The following PKN2 variants were observed in gnomAD, a reference collection of about 807,000 sequenced individuals.
PKN2 encodes serine/threonine-protein kinase N2.
Under a neutral mutation model 119.1 loss-of-function variants are expected in PKN2, and 38 were observed. The observed-to-expected ratio is 0.32, with a 90% CI of 0.25 to 0.42. The LOEUF (loss-of-function observed/expected upper bound fraction) is 0.42. PKN2 is among the 10% of genes least tolerant of loss of function. PKN2 has a pLI of 1.00. For synonymous variants in PKN2, 390 were observed against 384.9 expected (o/e 1.01, Z -0.15); for missense variants, 850 against 1,165.1 (o/e 0.73, Z 3.94).
intron 2 of PKN2, among the ~76,000 whole-genome samples, chr1:88,750,643 C>G (rs1190489361): frequency 2.6e-5 from 4 of 152,106 alleles, no homozygotes; most frequent in Non-Finnish European, 5.9e-5. Context: ...ACCTGGATGT[C>G]CTGTTGGCTT....
In PKN2 at chr1:88,833,429, A is replaced by C; in HGVS notation, c.2936A>C (p.Tyr979Ser). The change falls in exon 22 of 22, where the codon TAC (tyrosine) becomes TCC (serine). Residue 979 changes from tyrosine (Y) to serine (S), a missense_variant. Physicochemically the swap from Tyr to Ser is moderately radical, Grantham distance 144. This residue lies in a region of PKN2 where 52 missense variants were observed against 39.9 expected (regional missense o/e 1.30). Transcript: ENST00000370521. ...EEQEMFRDFD[Y>S]IADWC Reference sequence around the variant, plus strand: ...CAGGAAATGTTCAGAGATTTTGACTACATTGCTGATTGGTGTTAAGTTGCT... The same window carrying C: ...CAGGAAATGTTCAGAGATTTTGACTCCATTGCTGATTGGTGTTAAGTTGCT... 6.2e-7 allele frequency: 1 copy of C among 1,613,134 alleles called. No homozygotes were observed. Among genetic ancestry groups the C allele is most frequent in the Non-Finnish European group, 8.5e-7 (1 of 1,179,266 alleles).
chr1:88,703,336 G>T lies in PKN2; in HGVS notation c.48+18708G>T, dbSNP rs1398706485. 2.6e-5 allele frequency among the ~76,000 whole-genome samples: 4 copies of T among 151,988 alleles called. No homozygotes were observed. The East Asian group carries it at 7.7e-4, about 29-fold the overall frequency. On this transcript the variant is annotated intron_variant, in intron 1 of 21. Coordinates refer to ENST00000370521, the MANE Select transcript of PKN2 (RefSeq NM_006256.4). ...CAGATAGTTTTATGATGTAAAGCAC[G>T]ATCTTATTAATAGATTTTAATTACT...
intron 19 of PKN2, among the ~76,000 whole-genome samples, chr1:88,831,518 T>G (rs1672733148): frequency 6.6e-6 from 1 of 151,970 alleles, no homozygotes; most frequent in African/African-American, 2.4e-5. Context: ...ATATTTTATT[T>G]ATGTATTTTG....
chr1:88,798,872 A>G (rs543710185), intron 8 of PKN2, among the ~76,000 whole-genome samples: 2 of 152,318 alleles, frequency 1.3e-5, no homozygotes, highest in African/African-American at 2.4e-5. Flanking sequence ...AACCTTGGGG[A>G]AAAAATGTGG....
At chr1:88,824,426 T>C (rs1228752885) in intron 18 of PKN2, 40 bp downstream of exon 18, 1 of 1,149,352 alleles carries the variant, frequency 8.7e-7, no homozygotes, top group East Asian at 2.4e-5. Context: ...GATTCAGAAT[T>C]ACTGTTTCTT....
At chr1:88,760,157 A>G (rs1215484496) in intron 2 of PKN2, 65 bp from the exon 3 acceptor site, 19 of 914,138 alleles carry the variant, frequency 2.1e-5, no homozygotes, top group Non-Finnish European at 2.7e-5. Flanking sequence ...TTTGAAAAAT[A>G]TTAACTTCCA....
At chr1:88,817,573 C>T (rs777570603) in intron 16 of PKN2, among the ~76,000 whole-genome samples, 58 of 151,606 alleles carry the variant, frequency 3.8e-4, no homozygotes, top group Non-Finnish European at 6.8e-4. Context: ...CTGGGTGTGG[C>T]GGTGTAGGCC....
At chr1:88,738,707 G>A (rs1271150018) in intron 1 of PKN2, among the ~76,000 whole-genome samples, 2 of 152,214 alleles carry the variant, frequency 1.3e-5, no homozygotes, top group Non-Finnish European at 2.9e-5. Flanking sequence ...TAATATTAAA[G>A]AACAAATCTG....
chr1:88,771,796 C>T lies in PKN2; in HGVS notation c.902C>T (p.Ala301Val). Residue 301 changes from alanine (A) to valine (V), a missense_variant, in exon 6 of 22, where the codon GCA becomes GTA. By Grantham distance (64) the Ala-to-Val change is moderately conservative. This residue lies in a region of PKN2 where 350 missense variants were observed against 511.1 expected (regional missense o/e 0.68). Transcript: ENST00000370521. ...IIIEELSLVA[A>V]SPTLSPRQSM... ...ATTGAAGAACTTTCACTTGTTGCTG[C>T]ATCACCAACACTAAGTCCACGTCAA... 1.2e-6 allele frequency: 2 copies of T among 1,613,622 alleles called. No individual in the cohort carries two copies. Among genetic ancestry groups the T allele is most frequent in the South Asian group, 1.1e-5 (1 of 91,076 alleles).
At chr1:88,772,434 G>T (rs1254339638) in intron 6 of PKN2, among the ~76,000 whole-genome samples, 1 of 152,106 alleles carries the variant, frequency 6.6e-6, no homozygotes, top group African/African-American at 2.4e-5. Flanking sequence ...GGAGCATTTT[G>T]GATTTGGGAT....
intron 8 of PKN2, among the ~76,000 whole-genome samples, chr1:88,796,610 T>C (rs975156090): frequency 1.3e-5 from 2 of 152,232 alleles, no homozygotes; most frequent in East Asian, 1.9e-4. Flanking sequence ...TCTTTAGATA[T>C]AGCTCTCAAA....
chr1:88,685,361 C>T (rs563207782), intron 1 of PKN2, among the ~76,000 whole-genome samples: 1 of 152,012 alleles, frequency 6.6e-6, no homozygotes, highest in African/African-American at 2.4e-5. Context: ...CATTTTCCCT[C>T]TCATTTGAGC....
At chr1:88,712,476 T>A (rs1667273471) in intron 1 of PKN2, among the ~76,000 whole-genome samples, 1 of 152,142 alleles carries the variant, frequency 6.6e-6, no homozygotes, top group East Asian at 1.9e-4. Flanking sequence ...GAATATGACT[T>A]CTGTAGGAGG....
chr1:88,716,273 A>G (rs968016859), intron 1 of PKN2, among the ~76,000 whole-genome samples: 6 of 152,138 alleles, frequency 3.9e-5, no homozygotes, highest in African/African-American at 1.4e-4. Flanking sequence ...TATTCTGTTG[A>G]TTTGGGGTGG....
intron 15 of PKN2, among the ~76,000 whole-genome samples, chr1:88,811,522 A>G (rs1671782730): frequency 6.6e-6 from 1 of 152,194 alleles, no homozygotes; most frequent in African/African-American, 2.4e-5. Flanking sequence ...AATACAAACA[A>G]TAGCAGTTCT....
intron 2 of PKN2, among the ~76,000 whole-genome samples, chr1:88,757,580 A>G (rs964695970): frequency 1.3e-5 from 2 of 152,334 alleles, no homozygotes; most frequent in Middle Eastern, 3.4e-3. Context: ...TGAAGCACAA[A>G]GGTAAAGTAA....
intron 8 of PKN2, 66 bp downstream of exon 8, chr1:88,786,279 T>A (rs1670569553): frequency 1.2e-6 from 1 of 803,172 alleles, no homozygotes. Context: ...TTATATTTTT[T>A]AGAAGGCTTC....
intron 2 of PKN2, among the ~76,000 whole-genome samples, chr1:88,747,014 C>G (rs1668797767): frequency 6.6e-6 from 1 of 152,118 alleles, no homozygotes; most frequent in African/African-American, 2.4e-5. Context: ...AGACAAATAG[C>G]TAATGATCTC....
intron 1 of PKN2, among the ~76,000 whole-genome samples, chr1:88,697,136 T>C (rs1202172338): frequency 6.6e-6 from 1 of 152,170 alleles, no homozygotes; most frequent in Non-Finnish European, 1.5e-5. Context: ...TTTGATACAT[T>C]TGCAAATTAG....
Sources: allele counts gnomAD v4.1 joint callset (sites outside exome capture counted in the v4.1 genomes callset), GRCh38; gene constraint gnomAD v4.1.1; regional missense constraint gnomAD v4.1.1; transcripts MANE v1.5; gene names NCBI Gene and HGNC (gene_info 2026-07-23, HGNC 2026-07-21).